CLVS1: variants seen among roughly 807,000 people sequenced by gnomAD.
CLVS1 encodes clavesin 1, also known as clavesin-1.
Under a neutral mutation model 33.1 loss-of-function variants are expected in CLVS1, and 10 were observed. That is an observed-to-expected ratio of 0.30 (90% CI 0.19 to 0.51). The LOEUF (loss-of-function observed/expected upper bound fraction) is 0.51, where lower values mean the gene tolerates loss of function less well. Among genes scored for constraint, CLVS1 ranks in the 20% least tolerant of loss-of-function variants. The probability of loss-of-function intolerance (pLI) is 0.97; values close to 1 mark genes in which losing one functional copy is unlikely to be tolerated. For synonymous variants in CLVS1, 163 were observed against 166.1 expected, an observed-to-expected ratio of 0.98 and a Z score of 0.14; for missense variants, 343 against 433.4, an observed-to-expected ratio of 0.79 and a Z score of 1.85.
intron 2 of CLVS1, among the ~76,000 whole-genome samples, chr8:61,183,896 A>G (rs953830775): frequency 5.9e-5 from 9 of 152,218 alleles, no homozygotes; most frequent in African/African-American, 2.2e-4. Flanking sequence ...GGTATAATAA[A>G]AGACATGCTA....
At chr8:61,235,140 G>A (rs1585710972) in intron 2 of CLVS1, among the ~76,000 whole-genome samples, 1 of 149,142 alleles carries the variant, frequency 6.7e-6, no homozygotes, top group East Asian at 2.0e-4. Flanking sequence ...CAATGACTCT[G>A]CTTTCCTTTA....
chr8:61,275,122 C>G (rs1025849723), intron 2 of CLVS1, among the ~76,000 whole-genome samples: 1 of 151,968 alleles, frequency 6.6e-6, no homozygotes, highest in African/African-American at 2.4e-5. Flanking sequence ...ATTATCGAAC[C>G]CAGAGATTGC....
intron 4 of CLVS1, among the ~76,000 whole-genome samples, chr8:61,456,164 G>A (rs1817148703): frequency 2.6e-5 from 4 of 152,152 alleles, no homozygotes; most frequent in Admixed American, 2.0e-4. Context: ...TTTGGGCACA[G>A]GATAGATTCT....
At chr8:61,052,245 G>A (rs1483619273), upstream of CLVS1, among the ~76,000 whole-genome samples, 1 of 152,310 alleles carries the variant, frequency 6.6e-6, no homozygotes, top group East Asian at 1.9e-4. Context: ...CCCAGTGCTG[G>A]GGAAATAGAA....
At chr8:61,320,044 T>C (rs543361388) in intron 2 of CLVS1, among the ~76,000 whole-genome samples, 1 of 152,280 alleles carries the variant, frequency 6.6e-6, no homozygotes, top group Non-Finnish European at 1.5e-5. Context: ...AGTACTATAC[T>C]CTTCTTTATG....
At chr8:61,246,050 G>A (rs754826124) in intron 2 of CLVS1, among the ~76,000 whole-genome samples, 8 of 151,700 alleles carry the variant, frequency 5.3e-5, no homozygotes, top group Non-Finnish European at 1.0e-4. Flanking sequence ...GGGATTATAG[G>A]TGTGAGCTAC....
At chr8:61,465,087 T>A (rs1444140918) in intron 5 of CLVS1, 1 of 152,340 alleles carries the variant, frequency 6.6e-6, no homozygotes, top group Non-Finnish European at 1.5e-5. Flanking sequence ...CAGGCACCTT[T>A]CTGGGCAGCG....
chr8:60,969,460 T>C, the CLVS1 span, among the ~76,000 whole-genome samples: 1 of 152,354 alleles, frequency 6.6e-6, no homozygotes, highest in East Asian at 1.9e-4. Context: ...GCGTCTGTTA[T>C]GTCAGCCTTA....
chr8:61,094,284 C>T (rs1425003164), intron 1 of CLVS1, among the ~76,000 whole-genome samples: 1 of 152,124 alleles, frequency 6.6e-6, no homozygotes, highest in African/African-American at 2.4e-5. Flanking sequence ...CCTCCCACCA[C>T]TATGGTTCTA....
At chr8:61,013,711 GA>G in the CLVS1 span, among the ~76,000 whole-genome samples, 1 of 152,204 alleles carries the variant, frequency 6.6e-6, no homozygotes, top group Non-Finnish European at 1.5e-5. Flanking sequence ...TGTGTGTGCC[GA>G]TGCCAAAATC....
chr8:61,096,550 T>C (rs1438979569), intron 1 of CLVS1, among the ~76,000 whole-genome samples: 1 of 152,230 alleles, frequency 6.6e-6, no homozygotes, highest in Non-Finnish European at 1.5e-5. Flanking sequence ...AAATAGGATG[T>C]AAATATTTAA....
At chr8:61,390,608 A>G (rs1432789844) in intron 3 of CLVS1, among the ~76,000 whole-genome samples, 1 of 152,234 alleles carries the variant, frequency 6.6e-6, no homozygotes, top group Non-Finnish European at 1.5e-5. Flanking sequence ...TACACTGCAT[A>G]GCATCTTTTT....
chr8:61,200,569 A>G (rs1327319704), intron 2 of CLVS1, among the ~76,000 whole-genome samples: 3 of 152,264 alleles, frequency 2.0e-5, no homozygotes, highest in Admixed American at 2.0e-4. Context: ...ATGGACATAC[A>G]TCTTTGAGTA....
chr8:61,066,703 A>G (rs777695960), intron 1 of CLVS1, among the ~76,000 whole-genome samples: 5 of 152,186 alleles, frequency 3.3e-5, no homozygotes, highest in South Asian at 2.1e-4. Flanking sequence ...GCAAGTGTAC[A>G]CATTCTCAAT....
At chr8:61,438,496 C>T (rs59243254) in intron 3 of CLVS1, among the ~76,000 whole-genome samples, 3,057 of 152,180 alleles carry the variant, frequency 0.02, 97 homozygotes, top group African/African-American at 0.069. Context: ...CATACAAGTA[C>T]GTGTATCTTT....
intron 2 of CLVS1, among the ~76,000 whole-genome samples, chr8:61,161,097 C>T (rs1430424294): frequency 1.3e-5 from 2 of 152,102 alleles, no homozygotes; most frequent in Non-Finnish European, 2.9e-5. Flanking sequence ...CACTAATTAT[C>T]AGGAAAATGC....
At chr8:61,450,697 A>C (rs2129606901) in intron 3 of CLVS1, among the ~76,000 whole-genome samples, 1 of 152,316 alleles carries the variant, frequency 6.6e-6, no homozygotes, top group Admixed American at 6.5e-5. Context: ...TGTATTTTTC[A>C]ATGCATTAAG....
At chr8:61,457,283 A>C (rs1293123839) in intron 4 of CLVS1, among the ~76,000 whole-genome samples, 1 of 152,094 alleles carries the variant, frequency 6.6e-6, no homozygotes, top group Admixed American at 6.5e-5. Context: ...ATGTGCATGC[A>C]TGTGTGTATA....
At chr8:61,022,329 G>T in the CLVS1 span, among the ~76,000 whole-genome samples, 1 of 152,176 alleles carries the variant, frequency 6.6e-6, no homozygotes, top group South Asian at 2.1e-4. Flanking sequence ...TTCATTTTGG[G>T]AGCTGGTATA....
Sources: gnomAD v4.1 joint callset for allele counts (sites outside exome capture counted in the v4.1 genomes callset) on GRCh38, gnomAD v4.1.1 for gene constraint, MANE v1.5 for transcripts, NCBI Gene and HGNC (gene_info 2026-07-23, HGNC 2026-07-21) for gene names.